Variants in UMPS observed in about 807,000 individuals in gnomAD.
UMPS encodes the protein uridine monophosphate synthetase.
In UMPS, 21 loss-of-function variants were observed where a neutral mutation model predicts 38.9. The ratio of observed to expected loss-of-function variants is 0.54; its 90% CI spans 0.38 to 0.78. The LOEUF is 0.78. Among genes scored for constraint, UMPS ranks in the 30% least tolerant of loss-of-function variants. The pLI is 0.00. For missense variants in UMPS, 533 were observed against 591.6 expected, an observed-to-expected ratio of 0.90 and a Z score of 1.03; for synonymous variants, 208 against 219.3, an observed-to-expected ratio of 0.95 and a Z score of 0.45.
At chr3:124,731,036 C>T (rs1023853249) in intron 1 of UMPS, among the ~76,000 whole-genome samples, 2 of 152,112 alleles carry the variant, frequency 1.3e-5, no homozygotes, top group Admixed American at 1.3e-4. Context: ...TCGAGACCAG[C>T]CTGGGCAACA....
At chr3:124,743,657 A>T (rs1050074909) in intron 5 of UMPS, among the ~76,000 whole-genome samples, 15 of 122,504 alleles carry the variant, frequency 1.2e-4, no homozygotes, top group South Asian at 2.8e-4. Context: ...AATAAATAAA[A>T]ATAAATAAAT....
rs1463836718 is a variant in UMPS at position 124,745,001 on chromosome 3, T to C, written c.*917T>C. On this transcript the variant is annotated 3_prime_UTR_variant, in exon 6 of 6. Coordinates refer to ENST00000232607, the MANE Select transcript of UMPS (RefSeq NM_000373.4). ...CAACAACCGGAGTTGGGGTTTGGGC[T>C]CATTTTTTCCCCTAGCCAGCAATTA... is the stretch of plus-strand genomic sequence containing the variant. The C allele has an allele frequency of 2.2e-6, 1 of 454,088 alleles. No individual in the cohort carries two copies. The highest frequency in any genetic ancestry group is 1.6e-5 in the South Asian group (1 of 64,478). 28.1% of individuals were successfully genotyped at this position (454,088 alleles called of 1,614,324 possible). A position where few individuals can be genotyped will look rare whatever the true frequency, so the allele number is the denominator to read the frequency against.
intron 1 of UMPS, among the ~76,000 whole-genome samples, chr3:124,734,803 A>G (rs1470710983): frequency 1.1e-4 from 16 of 152,042 alleles, no homozygotes; most frequent in African/African-American, 3.6e-4. Flanking sequence ...GGTGGATCAC[A>G]AGGCCAAGAG....
chr3:124,734,206 CT>C (rs1174993672), intron 1 of UMPS, among the ~76,000 whole-genome samples: 3 of 151,606 alleles, frequency 2.0e-5, no homozygotes, highest in African/African-American at 7.3e-5. Flanking sequence ...TTTAGAAGTA[CT>C]GGTGTAAACC....
Position 124,744,575 on chromosome 3 carries a change from A to G in UMPS, c.*491A>G. 1 of 453,734 alleles carries G rather than the reference A, an allele frequency of 2.2e-6. No homozygotes were observed. Among genetic ancestry groups the G allele is most frequent in the South Asian group, 1.6e-5 (1 of 64,452 alleles). The allele number at this position is 453,734 out of a possible 1,614,324, so 28.1% of individuals were successfully genotyped here. A position where few individuals can be genotyped will look rare whatever the true frequency, so the allele number is the denominator to read the frequency against. ...AGGCATGCACCACCACGTCCATCTA[A>G]ATTTCTTTATTATTTGTAGAGATGA... On this transcript the variant is annotated 3_prime_UTR_variant, in exon 6 of 6. Transcript: ENST00000232607.
At chr3:124,732,834 T>G (rs1250698382) in intron 1 of UMPS, among the ~76,000 whole-genome samples, 1 of 152,220 alleles carries the variant, frequency 6.6e-6, no homozygotes, top group Non-Finnish European at 1.5e-5. Flanking sequence ...CATTAACTTC[T>G]CACCATCCAG....
At chr3:124,738,908 A>T (rs17843828) in intron 3 of UMPS, among the ~76,000 whole-genome samples, 3,130 of 152,314 alleles carry the variant, frequency 0.021, 126 homozygotes, top group African/African-American at 0.071. Context: ...TGATCAGACT[A>T]TATTTAATGC....
chr3:124,735,231 GAAAC>G lies in UMPS; in HGVS notation c.299_302del (p.Thr100ArgfsTer9). On this transcript the variant is annotated frameshift_variant, in exon 2 of 6. Transcript: ENST00000232607. LOFTEE classifies it high-confidence loss of function. Reference sequence around the variant, plus strand: ...AATTCCAATGCTTATTAGAAGGAAAGAAACAAAGGATTATGGTAAAATAAAAGTA... The same window carrying G: ...AATTCCAATGCTTATTAGAAGGAAAGAAAGGATTATGGTAAAATAAAAGTA... 6.2e-7 allele frequency: 1 copy of G among 1,613,150 alleles called. No individual in the cohort carries two copies. The highest frequency in any genetic ancestry group is 8.5e-7 in the Non-Finnish European group (1 of 1,179,242).
At position 124,747,087 on chromosome 3, in the gene UMPS, T is replaced by C. The variant is rs2063607386; in HGVS notation, c.*3003T>C. The C allele has an allele frequency of 6.6e-6, 3 of 453,536 alleles. No individual in the cohort carries two copies. The highest frequency in any genetic ancestry group is 4.0e-5 in the African/African-American group (2 of 49,974). 28.1% of individuals were successfully genotyped at this position (453,536 alleles called of 1,614,324 possible). On this transcript the variant is annotated 3_prime_UTR_variant, in exon 6 of 6. Coordinates refer to ENST00000232607, the MANE Select transcript of UMPS (RefSeq NM_000373.4). ...TATCATGGCTCACTGCAACCTTGAC[T>C]TGGGCTCAAGCGATCCGCTCAAGTA...
chr3:124,734,634 G>GT (rs34052278), intron 1 of UMPS, among the ~76,000 whole-genome samples: 3 of 150,610 alleles, frequency 2.0e-5, no homozygotes, highest in African/African-American at 7.3e-5. Context: ...AAAGGCATTT[G>GT]TTTTTTTTTC....
Position 124,737,858 on chromosome 3 carries a change from A to G in UMPS, c.601A>G (p.Ile201Val). ...GACAGTTGGGAGAGTGAAGAGGTTT[A>G]TTCAGGAGAATGTCTTTGTGGCAGC... is the stretch of plus-strand genomic sequence containing the variant. ...AETVGRVKRFIQENVFVAANH... is the reference protein window; with the variant it reads ...AETVGRVKRFVQENVFVAANH... Residue 201 changes from isoleucine to valine, a missense_variant, in exon 3 of 6, where the codon ATT becomes GTT. Ile to Val is a conservative substitution (Grantham distance 29). Coordinates refer to ENST00000232607, the MANE Select transcript of UMPS (RefSeq NM_000373.4). The G allele has an allele frequency of 5.0e-6, 8 of 1,614,230 alleles. No individual in the cohort carries two copies. The highest frequency in any genetic ancestry group is 1.1e-5 in the South Asian group (1 of 91,078).
Position 124,735,119 on chromosome 3 carries a change from C to G in UMPS, c.183C>G (p.Ala61=), listed in dbSNP as rs750939189. 6.2e-7 allele frequency: 1 copy of G among 1,613,804 alleles called. No homozygotes were observed. ...SQVADILFQT[A]QNAGISFDTV... is the part of the protein sequence containing the mutation. ...TTGCAGATATTTTATTCCAAACTGC[C>G]CAAAATGCAGGCATCAGTTTTGACA... is the stretch of plus-strand genomic sequence containing the variant. The change falls in exon 2 of 6, where the codon GCC becomes GCG. Residue 61 remains alanine (A), a synonymous_variant. Coordinates refer to ENST00000232607, the MANE Select transcript of UMPS (RefSeq NM_000373.4).
At chr3:124,732,584 C>T (rs1486056673) in intron 1 of UMPS, 1 of 154,798 alleles carries the variant, frequency 6.5e-6, no homozygotes. Context: ...TTGCTACTAG[C>T]CACGTGTTAC....
In UMPS at chr3:124,730,558, G is replaced by T. The variant is rs1324581908; in HGVS notation, c.87G>T (p.Lys29Asn). ...TCAAGTTTGGGGACTTCGTGCTGAAGAGCGGGCTTTCCTCCCCCATCTACA... is the reference window on the plus strand; with the variant it reads ...TCAAGTTTGGGGACTTCGTGCTGAATAGCGGGCTTTCCTCCCCCATCTACA... ...QAFKFGDFVL[K>N]SGLSSPIYID... Residue 29 changes from lysine to asparagine, a missense_variant, in exon 1 of 6, where the codon AAG (lysine) becomes AAT (asparagine). Coordinates refer to ENST00000232607, the MANE Select transcript of UMPS (RefSeq NM_000373.4). 2 of 1,614,028 alleles carry T rather than the reference G, an allele frequency of 1.2e-6. No homozygotes were observed. Among genetic ancestry groups the T allele is most frequent in the East Asian group, 2.2e-5 (1 of 44,884 alleles).
intron 1 of UMPS, among the ~76,000 whole-genome samples, chr3:124,734,100 C>T (rs544352806): frequency 6.6e-6 from 1 of 152,080 alleles, no homozygotes; most frequent in African/African-American, 2.4e-5. Flanking sequence ...AGTGATAAAA[C>T]AGTTCTAAGA....
At chr3:124,738,960 A>G (rs948341039) in intron 3 of UMPS, among the ~76,000 whole-genome samples, 1 of 152,238 alleles carries the variant, frequency 6.6e-6, no homozygotes, top group Admixed American at 6.5e-5. Flanking sequence ...GTTGTGTCAT[A>G]TAACATTTTT....
intron 3 of UMPS, chr3:124,738,473 C>G (rs1382401077): frequency 3.3e-5 from 17 of 521,146 alleles, no homozygotes; most frequent in Non-Finnish European, 4.8e-5. Context: ...TCACCCCAAA[C>G]CAATCACTCT....
Position 124,747,082 on chromosome 3 carries a change from T to C in UMPS, c.*2998T>C, listed in dbSNP as rs1314889633. On this transcript the variant is annotated 3_prime_UTR_variant, in exon 6 of 6. Transcript: ENST00000232607. ...GAGTATATCATGGCTCACTGCAACC[T>C]TGACTTGGGCTCAAGCGATCCGCTC... is the stretch of plus-strand genomic sequence containing the variant. 1 of 453,684 alleles carries C rather than the reference T, an allele frequency of 2.2e-6. No individual in the cohort carries two copies. Among genetic ancestry groups the C allele is most frequent in the Non-Finnish European group, 4.4e-6 (1 of 226,502 alleles). The allele number at this position is 453,684 out of a possible 1,614,324, so 28.1% of individuals were successfully genotyped here.
rs1374380238 is a variant in UMPS, at chr3:124,744,947, G to C, written c.*863G>C. 1 of 454,050 alleles carries C rather than the reference G, an allele frequency of 2.2e-6. No homozygotes were observed. The highest frequency in any genetic ancestry group is 6.9e-5 in the East Asian group (1 of 14,392). The allele number at this position is 454,050 out of a possible 1,614,324, so 28.1% of individuals were successfully genotyped here. On this transcript the variant is annotated 3_prime_UTR_variant, in exon 6 of 6. Coordinates refer to ENST00000232607, the MANE Select transcript of UMPS (RefSeq NM_000373.4). ...GGAAGGGGAAGGTGACTATAGCTCA[G>C]CTCCTGAGCTAGTATCTGGCTGTTA...
Sources: allele counts gnomAD v4.1 joint callset (sites outside exome capture counted in the v4.1 genomes callset), GRCh38; gene constraint gnomAD v4.1.1; transcripts MANE v1.5; gene names NCBI Gene and HGNC (gene_info 2026-07-23, HGNC 2026-07-21).